Variants in PTPRG observed in about 807,000 individuals in gnomAD.
The protein encoded by PTPRG is receptor-type tyrosine-protein phosphatase gamma.
Under a neutral mutation model 165.3 loss-of-function variants are expected in PTPRG, and 102 were observed. The observed-to-expected ratio is 0.62, with a 90% confidence interval of 0.53 to 0.73. The LOEUF is 0.73. PTPRG is among the 30% of genes least tolerant of loss of function. The pLI is 0.00. For missense variants in PTPRG, 1,866 were observed against 1,861.4 expected, an observed-to-expected ratio of 1.00 and a Z score of -0.05; for synonymous variants, 675 against 669.5, an observed-to-expected ratio of 1.01 and a Z score of -0.13.
At chr3:62,169,387 T>C (rs556467534) in intron 8 of PTPRG, among the ~76,000 whole-genome samples, 1 of 152,304 alleles carries the variant, frequency 6.6e-6, no homozygotes, top group South Asian at 2.1e-4. Flanking sequence ...CACTTGCTTA[T>C]TATTTTTTTA....
chr3:61,975,304 A>G lies in PTPRG; in HGVS notation c.191-14321A>G, dbSNP rs954517234. Reference sequence around the variant, plus strand: ...GGTAATATGGAAGTTTATGGCCTACAGTGAATTTGAGAATTATGTGAGATG... The same window carrying G: ...GGTAATATGGAAGTTTATGGCCTACGGTGAATTTGAGAATTATGTGAGATG... On this transcript the variant is annotated intron_variant, in intron 2 of 29. Transcript: ENST00000474889. Among the ~76,000 whole-genome samples, 7 of 152,324 alleles carry G rather than the reference A, an allele frequency of 4.6e-5. No individual in the cohort carries two copies. The South Asian group carries it at 1.2e-3, about 27-fold the overall frequency.
At chr3:61,855,583 T>C (rs1489799238) in intron 2 of PTPRG, among the ~76,000 whole-genome samples, 1 of 151,834 alleles carries the variant, frequency 6.6e-6, no homozygotes, top group African/African-American at 2.4e-5. Context: ...AAAATGTTCA[T>C]GTTAAAGTAG....
At chr3:62,059,486 T>C (rs1490174436) in intron 4 of PTPRG, among the ~76,000 whole-genome samples, 1 of 152,192 alleles carries the variant, frequency 6.6e-6, no homozygotes, top group African/African-American at 2.4e-5. Context: ...AAGACATTTG[T>C]TTTAAAGCGT....
At chr3:61,909,923 T>C (rs781191063) in intron 2 of PTPRG, among the ~76,000 whole-genome samples, 28 of 152,152 alleles carry the variant, frequency 1.8e-4, no homozygotes, top group Non-Finnish European at 3.4e-4. Context: ...GTTCAGAGAG[T>C]TTAGTGATCA....
At chr3:61,563,730 G>A (rs570495320) in intron 1 of PTPRG, among the ~76,000 whole-genome samples, 49 of 152,310 alleles carry the variant, frequency 3.2e-4, no homozygotes, top group Non-Finnish European at 6.0e-4. Flanking sequence ...CGGCTGGAGC[G>A]CCCGTTTTTG....
At chr3:62,226,695 AT>A (rs1233516820) in intron 13 of PTPRG, among the ~76,000 whole-genome samples, 1 of 152,212 alleles carries the variant, frequency 6.6e-6, no homozygotes, top group Non-Finnish European at 1.5e-5. Flanking sequence ...CTAAGTGGGA[AT>A]TGTAACATCT....
intron 4 of PTPRG, among the ~76,000 whole-genome samples, chr3:62,010,639 G>C (rs13091116): frequency 1.3e-5 from 2 of 152,086 alleles, no homozygotes; most frequent in East Asian, 3.9e-4. Context: ...AACATAATGA[G>C]AGTCTATCTC....
chr3:61,892,662 C>T (rs2038245649), intron 2 of PTPRG, among the ~76,000 whole-genome samples: 1 of 151,788 alleles, frequency 6.6e-6, no homozygotes, highest in African/African-American at 2.4e-5. Context: ...ACTAAAAATA[C>T]AAAATTAGCC....
chr3:62,199,687 T>C (rs1202766147), intron 10 of PTPRG, among the ~76,000 whole-genome samples: 2 of 152,238 alleles, frequency 1.3e-5, no homozygotes, highest in African/African-American at 2.4e-5. Context: ...ACAAGTGTTA[T>C]TACAGCATTT....
chr3:61,819,085 C>G (rs1282352502), intron 2 of PTPRG, among the ~76,000 whole-genome samples: 1 of 152,052 alleles, frequency 6.6e-6, no homozygotes, highest in African/African-American at 2.4e-5. Flanking sequence ...AAATTGGATT[C>G]TTGTGAAACT....
chr3:62,140,972 C>T (rs1298043606), intron 6 of PTPRG, among the ~76,000 whole-genome samples: 1 of 151,730 alleles, frequency 6.6e-6, no homozygotes, highest in Non-Finnish European at 1.5e-5. Flanking sequence ...GATGATTGCC[C>T]AGGTATAATA....
At chr3:61,974,456 G>A (rs1007747930) in intron 2 of PTPRG, among the ~76,000 whole-genome samples, 10 of 152,012 alleles carry the variant, frequency 6.6e-5, no homozygotes, top group Admixed American at 2.0e-4. Context: ...GGGAGGCTGA[G>A]GCAGGAGAAT....
intron 8 of PTPRG, among the ~76,000 whole-genome samples, chr3:62,176,119 A>G (rs181347508): frequency 6.6e-6 from 1 of 152,172 alleles, no homozygotes; most frequent in African/African-American, 2.4e-5. Context: ...GAGGACTTGC[A>G]CTGGAGTCTG....
intron 2 of PTPRG, among the ~76,000 whole-genome samples, chr3:61,930,133 A>G (rs889785503): frequency 1.3e-5 from 2 of 152,164 alleles, no homozygotes; most frequent in African/African-American, 4.8e-5. Context: ...TTATAGAGAA[A>G]GATAAAGATG....
At chr3:62,077,393 C>T (rs1037538597) in intron 4 of PTPRG, among the ~76,000 whole-genome samples, 5 of 152,000 alleles carry the variant, frequency 3.3e-5, no homozygotes, top group South Asian at 2.1e-4. Context: ...GGCAAATTAT[C>T]GTCAAATTTC....
At chr3:61,699,482 G>T (rs941391750) in intron 1 of PTPRG, among the ~76,000 whole-genome samples, 1 of 152,188 alleles carries the variant, frequency 6.6e-6, no homozygotes, top group African/African-American at 2.4e-5. Flanking sequence ...ATGTCCTACA[G>T]ACATCATTAA....
At chr3:62,267,169 A>G (rs746471158) in intron 17 of PTPRG, among the ~76,000 whole-genome samples, 15 of 152,072 alleles carry the variant, frequency 9.9e-5, no homozygotes, top group Non-Finnish European at 1.8e-4. Flanking sequence ...TGGCTTTAAA[A>G]TACAGAGGAC....
At position 62,293,435 on chromosome 3, in the gene PTPRG, A is replaced by ATTTAT. The variant is rs1702969454; in HGVS notation, c.*132_*136dup. 1.2e-6 allele frequency: 1 copy of ATTTAT among 859,174 alleles called. No individual in the cohort carries two copies. Among genetic ancestry groups the ATTTAT allele is most frequent in the African/African-American group, 1.7e-5 (1 of 57,302 alleles). 53.2% of individuals were successfully genotyped at this position (859,174 alleles called of 1,614,324 possible). A position where few individuals can be genotyped will look rare whatever the true frequency, so the allele number is the denominator to read the frequency against. ...TTTTTACACTGATAAAAGTTTTGAT[A>ATTTAT]TTTATTTTTTGCCATTTTATGTCTT... On this transcript the variant is annotated 3_prime_UTR_variant, in exon 30 of 30. Coordinates refer to ENST00000474889, the MANE Select transcript of PTPRG (RefSeq NM_002841.4).
chr3:61,900,868 TCCC>T (rs1229659328), intron 2 of PTPRG, among the ~76,000 whole-genome samples: 1 of 152,132 alleles, frequency 6.6e-6, no homozygotes, highest in Non-Finnish European at 1.5e-5. Flanking sequence ...AAAATCCTGG[TCCC>T]GCTGTGGTTT....
Sources: allele counts gnomAD v4.1 joint callset (sites outside exome capture counted in the v4.1 genomes callset), GRCh38; gene constraint gnomAD v4.1.1; transcripts MANE v1.5; gene names NCBI Gene and HGNC (gene_info 2026-07-23, HGNC 2026-07-21).